Variants in MAN1A2 observed in about 807,000 individuals in gnomAD.
MAN1A2 encodes the protein mannosyl-oligosaccharide 1,2-alpha-mannosidase IB.
A neutral mutation model predicts 75.7 loss-of-function variants in MAN1A2; 26 were observed. That is an observed-to-expected ratio of 0.34 (90% CI 0.25 to 0.48). MAN1A2 has a LOEUF of 0.48. Among genes scored for constraint, MAN1A2 ranks in the 20% least tolerant of loss-of-function variants. The probability of loss-of-function intolerance (pLI) is 0.99; values close to 1 mark genes in which losing one functional copy is unlikely to be tolerated. For synonymous variants in MAN1A2, 247 were observed against 264.6 expected, an observed-to-expected ratio of 0.93 and a Z score of 0.65; for missense variants, 562 against 775.5, an observed-to-expected ratio of 0.72 and a Z score of 3.27.
chr1:117,485,745 CATG>C (rs933048531), intron 8 of MAN1A2, among the ~76,000 whole-genome samples: 1 of 151,974 alleles, frequency 6.6e-6, no homozygotes, highest in Non-Finnish European at 1.5e-5. Flanking sequence ...TAAAAAATCA[CATG>C]ATTTCATTGA....
intron 1 of MAN1A2, among the ~76,000 whole-genome samples, chr1:117,382,051 T>G (rs1407338539): frequency 6.6e-6 from 1 of 152,244 alleles, no homozygotes; most frequent in African/African-American, 2.4e-5. Context: ...CTTGTAAATT[T>G]GTTTGAGTTC....
chr1:117,410,770 A>G (rs1647787133), intron 3 of MAN1A2, among the ~76,000 whole-genome samples: 1 of 151,850 alleles, frequency 6.6e-6, no homozygotes, highest in Non-Finnish European at 1.5e-5. Flanking sequence ...TATAGGATAC[A>G]AGTTTAATAT....
intron 6 of MAN1A2, among the ~76,000 whole-genome samples, chr1:117,451,179 T>A (rs1419517244): frequency 6.6e-6 from 1 of 152,214 alleles, no homozygotes; most frequent in Non-Finnish European, 1.5e-5. Context: ...GACCTGGATG[T>A]GAGACATGGA....
At position 117,499,441 on chromosome 1, in the gene MAN1A2, C is replaced by A; in HGVS notation, c.1564C>A (p.Arg522=). 2.5e-6 allele frequency: 4 copies of A among 1,604,748 alleles called. No individual in the cohort carries two copies. The highest frequency in any genetic ancestry group is 1.3e-5 in the African/African-American group (1 of 74,204). The part of the protein sequence containing the change: ...FDGAVEAVAV[R]QAEKYYILRP... ...TGGTGCAGTGGAGGCTGTGGCTGTC[C>A]GGCAGGCTGAAAAGTATTATATCCT... is the stretch of plus-strand genomic sequence containing the variant. Residue 522 remains arginine, a synonymous_variant, in exon 11 of 13, where the codon CGG becomes AGG. Coordinates refer to ENST00000356554, the MANE Select transcript of MAN1A2 (RefSeq NM_006699.5).
intron 7 of MAN1A2, among the ~76,000 whole-genome samples, chr1:117,464,419 C>G (rs959796058): frequency 1.3e-5 from 2 of 151,166 alleles, no homozygotes; most frequent in African/African-American, 2.4e-5. Flanking sequence ...ATACTTGATG[C>G]TTCATAACAC....
intron 5 of MAN1A2, among the ~76,000 whole-genome samples, chr1:117,425,594 A>G (rs561905202): frequency 6.6e-6 from 1 of 152,346 alleles, no homozygotes; most frequent in South Asian, 2.1e-4. Context: ...GACTAAAGAA[A>G]AACATCATAT....
intron 8 of MAN1A2, among the ~76,000 whole-genome samples, chr1:117,491,043 A>G (rs1049187636): frequency 2.0e-5 from 3 of 152,050 alleles, no homozygotes; most frequent in Admixed American, 6.6e-5. Flanking sequence ...CCTCCAAAAC[A>G]TAAAGGTGAC....
intron 10 of MAN1A2, 84 bp downstream of exon 10, chr1:117,497,066 T>C (rs1342494192): frequency 9.2e-7 from 1 of 1,088,050 alleles, no homozygotes; most frequent in Non-Finnish European, 1.3e-6. Context: ...GGAGAATATA[T>C]AGGCACTTTT....
At chr1:117,453,086 A>G (rs1320780045) in intron 6 of MAN1A2, among the ~76,000 whole-genome samples, 3 of 152,206 alleles carry the variant, frequency 2.0e-5, no homozygotes. Flanking sequence ...GTTTAAGCCC[A>G]CTGTTGAAAC....
At chr1:117,414,899 G>T in intron 4 of MAN1A2, 68 bp downstream of exon 4, 1 of 947,708 alleles carries the variant, frequency 1.1e-6, no homozygotes, top group Admixed American at 1.8e-5. Flanking sequence ...AACTGCTATG[G>T]TCTGAACATT....
intron 9 of MAN1A2, among the ~76,000 whole-genome samples, chr1:117,495,170 T>A (rs1304342147): frequency 3.3e-5 from 5 of 152,026 alleles, no homozygotes; most frequent in African/African-American, 1.2e-4. Flanking sequence ...ATGAATCATC[T>A]GCTATATGTT....
At chr1:117,436,996 T>C (rs988008795) in intron 5 of MAN1A2, among the ~76,000 whole-genome samples, 2 of 152,194 alleles carry the variant, frequency 1.3e-5, no homozygotes, top group Non-Finnish European at 2.9e-5. Context: ...GGGAAGTGTG[T>C]GTGAATGTGT....
At chr1:117,453,145 C>T (rs1248353436) in intron 6 of MAN1A2, among the ~76,000 whole-genome samples, 3 of 152,158 alleles carry the variant, frequency 2.0e-5, no homozygotes, top group Admixed American at 6.6e-5. Flanking sequence ...TCATTGACAG[C>T]GTACCTGGTC....
chr1:117,493,883 T>A (rs1650965606), intron 9 of MAN1A2: 1 of 152,122 alleles, frequency 6.6e-6, no homozygotes, highest in Non-Finnish European at 1.5e-5. Context: ...AACTTCTGAC[T>A]TTATATACAT....
chr1:117,447,974 A>C (rs754159398), intron 6 of MAN1A2, among the ~76,000 whole-genome samples: 1 of 152,112 alleles, frequency 6.6e-6, no homozygotes, highest in African/African-American at 2.4e-5. Flanking sequence ...TCAGTGATTT[A>C]ATGGAAATAG....
chr1:117,377,952 A>T (rs1033311153), intron 1 of MAN1A2, among the ~76,000 whole-genome samples: 24 of 152,162 alleles, frequency 1.6e-4, no homozygotes, highest in Non-Finnish European at 2.5e-4. Context: ...TACAAAAAAA[A>T]TTAGCCAGGC....
intron 11 of MAN1A2, among the ~76,000 whole-genome samples, chr1:117,501,893 G>A (rs1651213006): frequency 6.6e-6 from 1 of 151,704 alleles, no homozygotes; most frequent in African/African-American, 2.4e-5. Context: ...GCAGGGTTAG[G>A]TAGAATAGAA....
At chr1:117,515,752 A>G (rs773921916) in intron 12 of MAN1A2, 1 of 152,174 alleles carries the variant, frequency 6.6e-6, no homozygotes, top group Non-Finnish European at 1.5e-5. Context: ...TTCCACTTCT[A>G]TGAGGTCTCT....
chr1:117,451,141 T>C (rs1649403343), intron 6 of MAN1A2, among the ~76,000 whole-genome samples: 1 of 152,242 alleles, frequency 6.6e-6, no homozygotes, highest in South Asian at 2.1e-4. Context: ...TGCCCAAGGC[T>C]GTGGGAGTCC....
Sources: gnomAD v4.1 joint callset for allele counts (sites outside exome capture counted in the v4.1 genomes callset) on GRCh38, gnomAD v4.1.1 for gene constraint, MANE v1.5 for transcripts, NCBI Gene and HGNC (gene_info 2026-07-23, HGNC 2026-07-21) for gene names.